Variants in DOK7 observed in about 807,000 individuals in gnomAD.
DOK7 encodes the protein docking protein 7.
A neutral mutation model predicts 30.7 loss-of-function variants in DOK7; 32 were observed. That is an observed-to-expected ratio of 1.04 (90% CI 0.79 to 1.40). The LOEUF is 1.40. Among genes scored for constraint, DOK7 ranks in the 40% most tolerant of loss-of-function variants. DOK7 has a pLI of 0.00. For missense variants in DOK7, 1,007 were observed against 699.2 expected (o/e 1.44, Z -4.97); for synonymous variants, 447 against 324.1 (o/e 1.38, Z -4.07).
chr4:3,495,546 G>A (rs1018097683), downstream of DOK7, among the ~76,000 whole-genome samples: 18 of 152,218 alleles, frequency 1.2e-4, no homozygotes, highest in South Asian at 6.2e-4. Flanking sequence ...AGTGGGCCTC[G>A]CTCCGGGCGT....
exon 8 of DOK7, chr4:3,500,722 A>G (rs758517374): frequency 1.8e-5 from 28 of 1,535,696 alleles, no homozygotes; most frequent in African/African-American, 8.2e-5. Context: ...GCCCAGATCG[A>G]CATCATGGCC....
chr4:3,471,395 G>A (rs550100608), intron 2 of DOK7, among the ~76,000 whole-genome samples: 1 of 152,252 alleles, frequency 6.6e-6, no homozygotes, highest in Non-Finnish European at 1.5e-5. Context: ...GGGGAAGGGA[G>A]TGAAGGGGTG....
intron 4 of DOK7, among the ~76,000 whole-genome samples, chr4:3,477,244 C>T (rs1050712280): frequency 8.5e-5 from 13 of 152,270 alleles, no homozygotes; most frequent in African/African-American, 1.2e-4. Flanking sequence ...CTGCAGTCCC[C>T]GCGGAGGGTG....
downstream of DOK7, among the ~76,000 whole-genome samples, chr4:3,495,487 C>T (rs923984425): frequency 1.2e-4 from 18 of 152,234 alleles, no homozygotes; most frequent in African/African-American, 4.3e-4. Context: ...GACAGCCTTT[C>T]CCTGTGGGGA....
downstream of DOK7, chr4:3,496,834 A>T (rs1167005936): frequency 2.6e-6 from 4 of 1,535,274 alleles, no homozygotes; most frequent in Non-Finnish European, 3.5e-6. Context: ...CGGCAGCCTC[A>T]GCCCCAGGAC....
intron 2 of DOK7, among the ~76,000 whole-genome samples, chr4:3,471,281 G>A (rs1318126641): frequency 1.3e-5 from 2 of 152,244 alleles, no homozygotes; most frequent in South Asian, 2.1e-4. Flanking sequence ...CTGCAGGTGG[G>A]GGTGCCACTG....
At chr4:3,467,304 C>G (rs1292272196) in intron 2 of DOK7, among the ~76,000 whole-genome samples, 1 of 152,018 alleles carries the variant, frequency 6.6e-6, no homozygotes. Context: ...CCCGCCCTCC[C>G]CGGCTCTCCG....
At chr4:3,475,345 T>C (rs1726999193) in intron 3 of DOK7, among the ~76,000 whole-genome samples, 1 of 152,138 alleles carries the variant, frequency 6.6e-6, no homozygotes, top group Non-Finnish European at 1.5e-5. Flanking sequence ...AGGATGCGCC[T>C]GAGGCCACAG....
In DOK7 at chr4:3,484,313, G is replaced by C. The variant is rs147478785; in HGVS notation, c.533-1226G>C. The stretch of plus-strand genomic sequence containing the variant: ...ACGTGTCGGGGCTGGCCTGAGTTCC[G>C]TGTCCCTGGAATCTACAGCCTGTGT... On this transcript the variant is annotated intron_variant, in intron 4 of 6. Coordinates refer to ENST00000340083, the MANE Select transcript of DOK7 (RefSeq NM_173660.5). Among the ~76,000 whole-genome samples, 32 of 152,332 alleles carry C rather than the reference G, an allele frequency of 2.1e-4. No individual in the cohort carries two copies. In the East Asian group the frequency reaches 6.2e-3, roughly 29 times the overall value.
chr4:3,496,233 G>A (rs987787836), downstream of DOK7, among the ~76,000 whole-genome samples: 5 of 152,242 alleles, frequency 3.3e-5, no homozygotes, highest in East Asian at 3.9e-4. Flanking sequence ...CGTTAGGCAC[G>A]GCCCACTTCA....
intron 6 of DOK7, chr4:3,500,171 G>A: frequency 6.8e-7 from 1 of 1,475,186 alleles, no homozygotes; most frequent in Non-Finnish European, 9.0e-7. Context: ...AGGCAGGGTG[G>A]GCAGCTCTTT....
chr4:3,496,456 G>A (rs556341363), downstream of DOK7, among the ~76,000 whole-genome samples: 12 of 152,366 alleles, frequency 7.9e-5, no homozygotes, highest in South Asian at 2.3e-3. Flanking sequence ...ACACTACCTT[G>A]CATGGGCGTG....
intron 2 of DOK7, 46 bp downstream of exon 2, chr4:3,463,597 G>T: frequency 2.6e-6 from 4 of 1,520,624 alleles, no homozygotes; most frequent in South Asian, 1.2e-5. Flanking sequence ...GTAGCGACAC[G>T]GGTTACCGAG....
At chr4:3,483,843 G>A (rs1217070567) in intron 4 of DOK7, among the ~76,000 whole-genome samples, 1 of 152,196 alleles carries the variant, frequency 6.6e-6, no homozygotes, top group East Asian at 1.9e-4. Context: ...CAGCATGACG[G>A]CCTTCTCCTT....
chr4:3,493,275 C>A lies in DOK7; in HGVS notation c.1289C>A (p.Ala430Glu), dbSNP rs745414274. 2.5e-6 allele frequency: 4 copies of A among 1,610,574 alleles called. No homozygotes were observed. In the African/African-American group the frequency reaches 4.0e-5, roughly 16 times the overall value. Residue 430 changes from alanine to glutamate, a missense_variant, in exon 7 of 7, where the codon GCG becomes GAG. Coordinates refer to ENST00000340083, the MANE Select transcript of DOK7 (RefSeq NM_173660.5). ...PPSQGSPGNS[A>E]ARDSGGQTSA... Reference sequence around the variant, plus strand: ...TCACAGGGCAGCCCCGGCAACAGTGCGGCCAGGGACTCAGGCGGCCAGACG... The same window carrying A: ...TCACAGGGCAGCCCCGGCAACAGTGAGGCCAGGGACTCAGGCGGCCAGACG...
downstream of DOK7, chr4:3,496,818 A>G: frequency 6.5e-7 from 1 of 1,533,522 alleles, no homozygotes; most frequent in South Asian, 1.2e-5. Context: ...TCTTTGGTCT[A>G]GGGAGCGGCA....
In DOK7 at chr4:3,490,580, T is replaced by C. The variant is rs200053622; in HGVS notation, c.772+784T>C. Among the ~76,000 whole-genome samples, 411 of 44,204 alleles carry C rather than the reference T, an allele frequency of 9.3e-3. 5 individuals carry two copies. Among genetic ancestry groups the C allele is most frequent in the African/African-American group, 0.036 (247 of 6,896 alleles). The allele number at this position is 44,204 out of a possible 152,430, so 29.0% of individuals were successfully genotyped here. ...TGCTCATTCGTTTTTTCCTTCTCTC[T>C]CTGCTCATTCCTTCATTTCTTCTCT... On this transcript the variant is annotated intron_variant, in intron 6 of 6. Transcript: ENST00000340083.
In DOK7 at chr4:3,492,889, A is replaced by G; in HGVS notation, c.903A>G (p.Pro301=). The G allele has an allele frequency of 1.3e-6, 2 of 1,597,374 alleles. No homozygotes were observed. The highest frequency in any genetic ancestry group is 1.7e-4 in the Middle Eastern group (1 of 6,048). Reference sequence around the variant, plus strand: ...GCACGTCACAGGAGGGGCCTAGACCAGCAGCTGCCCAGGCCGCCGGGGAAG... The same window carrying G: ...GCACGTCACAGGAGGGGCCTAGACCGGCAGCTGCCCAGGCCGCCGGGGAAG... The part of the protein sequence containing the change: ...SASTSQEGPR[P]AAAQAAGEAM... Residue 301 remains proline, a synonymous_variant, in exon 7 of 7, where the codon CCA becomes CCG. Coordinates refer to ENST00000340083, the MANE Select transcript of DOK7 (RefSeq NM_173660.5).
chr4:3,486,464 T>C (rs73080949), intron 5 of DOK7, among the ~76,000 whole-genome samples: 13,458 of 152,284 alleles, frequency 0.088, 1,087 homozygotes, highest in African/African-American at 0.21. Context: ...CCCGCCGTGG[T>C]GTGGCGGGGA....
Sources: gnomAD v4.1 joint callset for allele counts (sites outside exome capture counted in the v4.1 genomes callset) on GRCh38, gnomAD v4.1.1 for gene constraint, MANE v1.5 for transcripts, NCBI Gene and HGNC (gene_info 2026-07-23, HGNC 2026-07-21) for gene names.